Variants in ELP4 observed in about 807,000 individuals in gnomAD.
ELP4 encodes elongator acetyltransferase complex subunit 4.
A neutral mutation model predicts 48.9 loss-of-function variants in ELP4; 51 were observed. The ratio of observed to expected loss-of-function variants is 1.04; its 90% CI spans 0.83 to 1.32. ELP4 has a LOEUF of 1.32. ELP4 is among the 40% of genes most tolerant of loss of function. The probability of loss-of-function intolerance (pLI) is 0.00; values close to 1 mark genes in which losing one functional copy is unlikely to be tolerated. For synonymous variants in ELP4, 210 were observed against 189.2 expected, an observed-to-expected ratio of 1.11 and a Z score of -0.90; for missense variants, 519 against 514.6, an observed-to-expected ratio of 1.01 and a Z score of -0.08.
intron 5 of ELP4, among the ~76,000 whole-genome samples, chr11:31,624,006 A>G (rs985909510): frequency 3.3e-5 from 5 of 151,850 alleles, no homozygotes; most frequent in Non-Finnish European, 7.4e-5. Context: ...TAAAAAGACA[A>G]TGAGGTTTCA....
chr11:31,544,461 A>G (rs897359302), intron 3 of ELP4, among the ~76,000 whole-genome samples: 5 of 152,210 alleles, frequency 3.3e-5, no homozygotes, highest in Non-Finnish European at 5.9e-5. Context: ...GGTGCCCGCC[A>G]TTGCCCAGGT....
intron 9 of ELP4, among the ~76,000 whole-genome samples, chr11:31,697,066 G>A (rs1207950130): frequency 1.3e-5 from 2 of 151,996 alleles, no homozygotes; most frequent in African/African-American, 2.4e-5. Context: ...GACAAAGAAG[G>A]CCATTACATA....
chr11:31,664,136 T>C (rs1945620928), intron 9 of ELP4: 1 of 152,146 alleles, frequency 6.6e-6, no homozygotes, highest in South Asian at 2.1e-4. Flanking sequence ...TTTAATATAT[T>C]GTTCTGTATG....
At chr11:31,517,275 C>T (rs1956132379) in intron 1 of ELP4, among the ~76,000 whole-genome samples, 1 of 151,858 alleles carries the variant, frequency 6.6e-6, no homozygotes, top group South Asian at 2.1e-4. Flanking sequence ...CCTATGACTC[C>T]TGGGTTCAAG....
At chr11:31,585,507 C>A (rs1957457080) in intron 3 of ELP4, among the ~76,000 whole-genome samples, 2 of 150,810 alleles carry the variant, frequency 1.3e-5, no homozygotes, top group Admixed American at 6.6e-5. Context: ...TAATGAGTGA[C>A]TATCAAAATC....
At chr11:31,539,409 C>CGCCACTGCACCTCCA in intron 2 of ELP4, among the ~76,000 whole-genome samples, 1 of 152,238 alleles carries the variant, frequency 6.6e-6, no homozygotes, top group Non-Finnish European at 1.5e-5. Context: ...GCCGAGATTG[C>CGCCACTGCACCTCCA]GCCACTGCAC....
chr11:31,722,139 G>A (rs1946975701), intron 9 of ELP4, among the ~76,000 whole-genome samples: 1 of 152,150 alleles, frequency 6.6e-6, no homozygotes, highest in African/African-American at 2.4e-5. Context: ...TAATTGCAAT[G>A]TTCCTCAGAT....
intron 9 of ELP4, among the ~76,000 whole-genome samples, chr11:31,755,996 A>G (rs1273240956): frequency 6.6e-6 from 1 of 152,204 alleles, no homozygotes; most frequent in East Asian, 1.9e-4. Context: ...ATTTTCCTAC[A>G]TATCCGGGAT....
chr11:31,517,102 C>T (rs575873254), intron 1 of ELP4, among the ~76,000 whole-genome samples: 11 of 152,088 alleles, frequency 7.2e-5, no homozygotes, highest in South Asian at 2.1e-4. Flanking sequence ...TTATTCTAGG[C>T]GCATGTATGT....
chr11:31,556,952 A>C (rs558944088), intron 3 of ELP4, among the ~76,000 whole-genome samples: 1 of 151,940 alleles, frequency 6.6e-6, no homozygotes, highest in African/African-American at 2.4e-5. Flanking sequence ...GAATAATTCA[A>C]ATTTAATCAA....
At chr11:31,719,673 A>G (rs542147331) in intron 9 of ELP4, 1 of 387,596 alleles carries the variant, frequency 2.6e-6, no homozygotes, top group Non-Finnish European at 4.5e-6. Flanking sequence ...ATTATACAGC[A>G]TAAGAATTAT....
chr11:31,620,647 G>A (rs1014180608), intron 5 of ELP4, among the ~76,000 whole-genome samples: 6 of 151,984 alleles, frequency 3.9e-5, no homozygotes, highest in African/African-American at 1.4e-4. Context: ...CAGCAACAGT[G>A]AAGGGTAGTA....
chr11:31,652,160 A>G (rs1043284740), intron 9 of ELP4: 1 of 151,740 alleles, frequency 6.6e-6, no homozygotes, highest in African/African-American at 2.4e-5. Flanking sequence ...GTTTCTTAAA[A>G]TTCTATATAC....
intron 2 of ELP4, among the ~76,000 whole-genome samples, chr11:31,523,941 G>A (rs1350950667): frequency 6.6e-6 from 1 of 151,896 alleles, no homozygotes; most frequent in Non-Finnish European, 1.5e-5. Flanking sequence ...TTAAATAAAG[G>A]ATCTTTATTT....
intron 9 of ELP4, among the ~76,000 whole-genome samples, chr11:31,697,674 G>A (rs565708808): frequency 6.6e-6 from 1 of 152,142 alleles, no homozygotes. Context: ...TGTATACCAC[G>A]TAGTCAGGGT....
At chr11:31,604,415 A>C (rs887867403) in intron 5 of ELP4, among the ~76,000 whole-genome samples, 1 of 151,858 alleles carries the variant, frequency 6.6e-6, no homozygotes, top group Non-Finnish European at 1.5e-5. Context: ...AACAATCTGC[A>C]TAATTTTAAG....
At chr11:31,614,775 A>G (rs1958044580) in intron 5 of ELP4, among the ~76,000 whole-genome samples, 2 of 152,208 alleles carry the variant, frequency 1.3e-5, no homozygotes, top group African/African-American at 4.8e-5. Flanking sequence ...GAAGCATCAC[A>G]CAAATCCAAA....
intron 3 of ELP4, chr11:31,580,944 T>G (rs551359443): frequency 5.3e-5 from 8 of 152,312 alleles, no homozygotes; most frequent in African/African-American, 1.7e-4. Context: ...AAGTCAGTAT[T>G]AAGTGTGTAC....
intron 9 of ELP4, among the ~76,000 whole-genome samples, chr11:31,668,488 CTTTTT>C (rs754925129): frequency 7.1e-6 from 1 of 141,088 alleles, no homozygotes; most frequent in Non-Finnish European, 1.6e-5. Context: ...TGTTGTAATT[CTTTTT>C]TTTTTTTTTT....
Sources: gnomAD v4.1 joint callset for allele counts (sites outside exome capture counted in the v4.1 genomes callset) on GRCh38, gnomAD v4.1.1 for gene constraint, MANE v1.5 for transcripts, NCBI Gene and HGNC (gene_info 2026-07-23, HGNC 2026-07-21) for gene names.